Variants in LAMA1 observed in about 807,000 individuals in gnomAD.
The protein encoded by LAMA1 is laminin subunit alpha-1.
A neutral mutation model predicts 348.7 loss-of-function variants in LAMA1; 219 were observed. The ratio of observed to expected loss-of-function variants is 0.63; its 90% CI spans 0.56 to 0.70. The LOEUF (loss-of-function observed/expected upper bound fraction) is 0.70. Among genes scored for constraint, LAMA1 ranks in the 30% least tolerant of loss-of-function variants. LAMA1 has a pLI of 0.00. For synonymous variants in LAMA1, 1,487 were observed against 1,491.0 expected (o/e 1.00, Z 0.06); for missense variants, 3,744 against 3,888.0 (o/e 0.96, Z 0.99).
chr18:6,949,624 A>G (rs1568003169), intron 58 of LAMA1, among the ~76,000 whole-genome samples: 1 of 152,206 alleles, frequency 6.6e-6, no homozygotes, highest in South Asian at 2.1e-4. Flanking sequence ...AACAAAGATG[A>G]TAACAGTCCC....
intron 12 of LAMA1, among the ~76,000 whole-genome samples, chr18:7,036,464 C>T (rs973837598): frequency 6.6e-6 from 1 of 152,194 alleles, no homozygotes; most frequent in Non-Finnish European, 1.5e-5. Flanking sequence ...ATTTCAGCAT[C>T]CTCCTCATAG....
chr18:6,985,577 A>G lies in LAMA1; in HGVS notation c.5446T>C (p.Leu1816=), dbSNP rs2057731122. The part of the protein sequence containing the change: ...TSELIVQGRG[L]IDAAAAQTDA... ...GTTTGTGCAGCAGCAGCATCTATCA[A>G]TCCTCTTCCTTGGACAATGAGCTCT... is the stretch of plus-strand genomic sequence containing the variant. The change falls in exon 38 of 63, where the codon TTG becomes CTG. Residue 1816 remains leucine (L), a synonymous_variant. Coordinates refer to ENST00000389658, the MANE Select transcript of LAMA1 (RefSeq NM_005559.4). The G allele has an allele frequency of 2.5e-6, 4 of 1,614,032 alleles. No individual in the cohort carries two copies. The highest frequency in any genetic ancestry group is 1.3e-5 in the African/African-American group (1 of 74,938).
intron 36 of LAMA1, among the ~76,000 whole-genome samples, chr18:6,989,834 C>A (rs1014116015): frequency 6.6e-6 from 1 of 152,158 alleles, no homozygotes; most frequent in African/African-American, 2.4e-5. Flanking sequence ...CTCAGCCCCC[C>A]ACACATCTGA....
rs200204767 is a variant in LAMA1 at position 6,958,499 on chromosome 18, T to G, written c.7942A>C (p.Lys2648Gln). The change falls in exon 55 of 63, where the codon AAA (lysine) becomes CAA (glutamine). Residue 2648 changes from lysine (K) to glutamine (Q), a missense_variant. Lys to Gln is a moderately conservative substitution (Grantham distance 53, BLOSUM62 1). This residue lies in a region of LAMA1 where 1,983 missense variants were observed against 1,934.3 expected (regional missense o/e 1.03). Coordinates refer to ENST00000389658, the MANE Select transcript of LAMA1 (RefSeq NM_005559.4). ...TMRRSFHGCI[K>Q]NLIFNLELLD... ...TACTCCAAATTGAAGATCAGGTTTT[T>G]GATACAGCCATGGAACGATCTTCTC... The G allele has an allele frequency of 4.3e-6, 7 of 1,614,200 alleles. No homozygotes were observed. Among genetic ancestry groups the G allele is most frequent in the East Asian group, 2.2e-5 (1 of 44,872 alleles).
At chr18:7,085,671 G>T in intron 1 of LAMA1, among the ~76,000 whole-genome samples, 1 of 152,016 alleles carries the variant, frequency 6.6e-6, no homozygotes, top group East Asian at 1.9e-4. Flanking sequence ...GCCCGCCTCA[G>T]CCTCCCAAAG....
chr18:7,015,674 C>T, intron 22 of LAMA1, 48 bp downstream of exon 22: 3 of 1,607,706 alleles, frequency 1.9e-6, no homozygotes, highest in South Asian at 2.2e-5. Context: ...AAACTTGCTA[C>T]AGCAAAGCAA....
At chr18:7,004,174 C>A (rs535620150) in intron 29 of LAMA1, among the ~76,000 whole-genome samples, 191 of 152,260 alleles carry the variant, frequency 1.3e-3, no homozygotes, top group Non-Finnish European at 2.3e-3. Flanking sequence ...AAAGTGTGGG[C>A]TGAATTAGTT....
intron 7 of LAMA1, among the ~76,000 whole-genome samples, chr18:7,044,191 A>G (rs2058032739): frequency 6.6e-6 from 1 of 150,602 alleles, no homozygotes; most frequent in African/African-American, 2.5e-5. Flanking sequence ...AAAAAGCGAT[A>G]TGTACAATGG....
At chr18:7,086,986 G>A (rs1461898981) in intron 1 of LAMA1, among the ~76,000 whole-genome samples, 1 of 152,072 alleles carries the variant, frequency 6.6e-6, no homozygotes, top group East Asian at 1.9e-4. Flanking sequence ...GCGCAAGGGT[G>A]GACAGAAATA....
rs148925029 is a variant in LAMA1, at chr18:6,980,567, G to A, written c.5961C>T (p.Thr1987=). Residue 1987 remains threonine (T), a synonymous_variant, in exon 42 of 63, where the codon ACC becomes ACT. Coordinates refer to ENST00000389658, the MANE Select transcript of LAMA1 (RefSeq NM_005559.4). ...TCAAGAGTGATTCATTGGTTTGCCTGGTAATTTCAACAGCATTCTCTTGAA... is the reference window on the plus strand; with the variant it reads ...TCAAGAGTGATTCATTGGTTTGCCTAGTAATTTCAACAGCATTCTCTTGAA... ...NRFQENAVEI[T]RQTNESLLIL... 7 of 1,613,328 alleles carry A rather than the reference G, an allele frequency of 4.3e-6. No homozygotes were observed. The highest frequency in any genetic ancestry group is 5.9e-6 in the Non-Finnish European group (7 of 1,179,442).
chr18:6,985,333 A>T lies in LAMA1; in HGVS notation c.5564T>A (p.Leu1855Gln). The part of the protein sequence containing the change: ...SAKIRHHIDD[L>Q]VMHMSQRNAV... ...GTTCCTTTGGGACATGTGCATGACC[A>T]GGTCATCTATGTGGTGCCTGATTTT... The change falls in exon 39 of 63, where the codon CTG becomes CAG. Residue 1855 changes from leucine to glutamine, a missense_variant. This residue lies in a region of LAMA1 where 1,983 missense variants were observed against 1,934.3 expected (regional missense o/e 1.03). Transcript: ENST00000389658. 1.2e-6 allele frequency: 2 copies of T among 1,614,254 alleles called. No homozygotes were observed. The highest frequency in any genetic ancestry group is 1.7e-6 in the Non-Finnish European group (2 of 1,180,044).
intron 3 of LAMA1, among the ~76,000 whole-genome samples, chr18:7,053,745 G>A (rs995972368): frequency 4.6e-5 from 7 of 150,706 alleles, no homozygotes; most frequent in Admixed American, 4.6e-4. Flanking sequence ...TCCTAAGACA[G>A]TCCTTTTGTT....
intron 3 of LAMA1, among the ~76,000 whole-genome samples, chr18:7,068,974 A>C (rs1742469554): frequency 6.6e-6 from 1 of 152,198 alleles, no homozygotes; most frequent in African/African-American, 2.4e-5. Flanking sequence ...ATGCCAAAAC[A>C]GTTGGGGATA....
At chr18:7,067,128 G>C (rs1036774159) in intron 3 of LAMA1, among the ~76,000 whole-genome samples, 1 of 152,134 alleles carries the variant, frequency 6.6e-6, no homozygotes, top group African/African-American at 2.4e-5. Context: ...TGAACAGCTA[G>C]AACTCTGGAC....
chr18:6,955,436 C>T lies in LAMA1; in HGVS notation c.8124G>A (p.Glu2708=). The change falls in exon 57 of 63, where the codon GAG becomes GAA. Residue 2708 remains glutamate, a synonymous_variant. Coordinates refer to ENST00000389658, the MANE Select transcript of LAMA1 (RefSeq NM_005559.4). ...CAAACTGGTGAGCGCCGGGAACGTACTCCAGAGCTGCATCCACCACACACT... is the reference window on the plus strand; with the variant it reads ...CAAACTGGTGAGCGCCGGGAACGTATTCCAGAGCTGCATCCACCACACACT... ...PEQCVVDAAL[E]YVPGAHQFGL... is the part of the protein sequence containing the mutation. 1 of 1,614,096 alleles carries T rather than the reference C, an allele frequency of 6.2e-7. No individual in the cohort carries two copies. The highest frequency in any genetic ancestry group is 1.1e-5 in the South Asian group (1 of 91,068).
At chr18:7,012,497 ATATTATTAT>A (rs35789852) in intron 23 of LAMA1, among the ~76,000 whole-genome samples, 4 of 143,586 alleles carry the variant, frequency 2.8e-5, no homozygotes, top group African/African-American at 7.7e-5. Flanking sequence ...TATTATTATT[ATATTATTAT>A]TATTATTATT....
At chr18:7,042,065 T>A (rs2058022715) in intron 9 of LAMA1, 80 bp downstream of exon 9, 8 of 920,464 alleles carry the variant, frequency 8.7e-6, no homozygotes, top group Middle Eastern at 2.2e-4. Context: ...AACTGGCTAT[T>A]ACCATTAGTT....
intron 1 of LAMA1, among the ~76,000 whole-genome samples, chr18:7,094,426 C>CAAAAAAA (rs1194222301): frequency 1.6e-5 from 1 of 63,418 alleles, no homozygotes; most frequent in Non-Finnish European, 3.7e-5. Flanking sequence ...GACTCCGTCT[C>CAAAAAAA]AAAAAAAAAA....
rs57946763 is a variant in LAMA1, at chr18:7,110,876, GTT to G, written c.61+6782_61+6783del. On this transcript the variant is annotated intron_variant, in intron 1 of 62. Transcript: ENST00000389658. ...TACCATAATCAACTGTGGTGTGAGG[GTT>G]TTTTTTCCCTCCCCCCCCCCACTTC... Among the ~76,000 whole-genome samples, 33 of 105,128 alleles carry G rather than the reference GTT, an allele frequency of 3.1e-4. 1 individual carries two copies. Among genetic ancestry groups the G allele is most frequent in the African/African-American group, 8.1e-4 (28 of 34,416 alleles). 69.0% of individuals were successfully genotyped at this position (105,128 alleles called of 152,430 possible). A position where few individuals can be genotyped will look rare whatever the true frequency, so the allele number is the denominator to read the frequency against.
Sources: gnomAD v4.1 joint callset for allele counts (sites outside exome capture counted in the v4.1 genomes callset) on GRCh38, gnomAD v4.1.1 for gene constraint, gnomAD v4.1.1 regional missense constraint, MANE v1.5 for transcripts, NCBI Gene and HGNC (gene_info 2026-07-23, HGNC 2026-07-21) for gene names.